CADPS2: variants seen among roughly 807,000 people sequenced by gnomAD.
CADPS2 encodes calcium-dependent secretion activator 2.
A neutral mutation model predicts 172.5 loss-of-function variants in CADPS2; 93 were observed. The ratio of observed to expected loss-of-function variants is 0.54; its 90% CI spans 0.46 to 0.64. CADPS2 has a LOEUF of 0.64. CADPS2 is among the 30% of genes least tolerant of loss of function. The probability of loss-of-function intolerance (pLI) is 0.00; values close to 1 mark genes in which losing one functional copy is unlikely to be tolerated. For missense variants in CADPS2, 1,420 were observed against 1,565.9 expected (o/e 0.91, Z 1.57); for synonymous variants, 546 against 555.2 (o/e 0.98, Z 0.23).
At chr7:122,516,463 A>G (rs971800783) in intron 8 of CADPS2, among the ~76,000 whole-genome samples, 2 of 152,062 alleles carry the variant, frequency 1.3e-5, no homozygotes. Flanking sequence ...CCTTAAGCTT[A>G]GGTTTTGGAG....
At chr7:122,700,291 T>A (rs571026740) in intron 2 of CADPS2, among the ~76,000 whole-genome samples, 2 of 152,176 alleles carry the variant, frequency 1.3e-5, no homozygotes, top group African/African-American at 4.8e-5. Context: ...TTACTTCTTA[T>A]GAAATGTAAA....
chr7:122,371,442 A>G (rs1319408794), intron 25 of CADPS2, among the ~76,000 whole-genome samples: 1 of 152,194 alleles, frequency 6.6e-6, no homozygotes, highest in Non-Finnish European at 1.5e-5. Context: ...GAAATGCCAG[A>G]TGCTTATAAA....
intron 1 of CADPS2, among the ~76,000 whole-genome samples, chr7:122,760,358 A>T (rs563507813): frequency 6.6e-6 from 1 of 152,260 alleles, no homozygotes; most frequent in Non-Finnish European, 1.5e-5. Context: ...TGTTTAGCAG[A>T]TATATATAAT....
At chr7:122,652,540 T>G (rs987395967) in intron 3 of CADPS2, among the ~76,000 whole-genome samples, 16 of 152,176 alleles carry the variant, frequency 1.1e-4, no homozygotes, top group Middle Eastern at 3.2e-3. Flanking sequence ...TATTCCAAAA[T>G]TAAACTTTCC....
chr7:122,778,152 T>C (rs2139300014), intron 1 of CADPS2, among the ~76,000 whole-genome samples: 1 of 152,180 alleles, frequency 6.6e-6, no homozygotes, highest in East Asian at 1.9e-4. Context: ...GCTGAGGTGG[T>C]CTCAGATGGA....
At chr7:122,592,610 T>C (rs543101400) in intron 6 of CADPS2, among the ~76,000 whole-genome samples, 5 of 152,152 alleles carry the variant, frequency 3.3e-5, no homozygotes, top group Admixed American at 1.3e-4. Flanking sequence ...AATGATAGAC[T>C]GGATTAAGAA....
intron 1 of CADPS2, among the ~76,000 whole-genome samples, chr7:122,875,819 CATT>C (rs1294207336): frequency 6.6e-6 from 1 of 152,130 alleles, no homozygotes; most frequent in African/African-American, 2.4e-5. Context: ...CATATATTCT[CATT>C]ATCTTATTAC....
chr7:122,648,380 G>A (rs1480287218), intron 3 of CADPS2, among the ~76,000 whole-genome samples: 1 of 152,024 alleles, frequency 6.6e-6, no homozygotes, highest in Non-Finnish European at 1.5e-5. Flanking sequence ...TAAAATTCCA[G>A]ACTTCTATAA....
intron 15 of CADPS2, among the ~76,000 whole-genome samples, chr7:122,442,736 T>C (rs2051525762): frequency 6.6e-6 from 1 of 152,164 alleles, no homozygotes; most frequent in African/African-American, 2.4e-5. Context: ...AAACTTTCAT[T>C]AGTCTCACAC....
intron 25 of CADPS2, among the ~76,000 whole-genome samples, chr7:122,369,305 T>A (rs1021175911): frequency 6.6e-6 from 1 of 152,002 alleles, no homozygotes; most frequent in Non-Finnish European, 1.5e-5. Context: ...TAATTTTTTG[T>A]ATTTTTTAGT....
rs554731865 is a variant in CADPS2 at position 122,450,717 on chromosome 7, T to C, written c.2288+657A>G. Among the ~76,000 whole-genome samples the C allele has an allele frequency of 3.3e-5, 5 of 151,910 alleles. No individual in the cohort carries two copies. The East Asian group carries it at 9.7e-4, about 30-fold the overall frequency. ...GGCTGGTTAAGTTTTGTATTTTTTA[T>C]AGAGATGGGGTTTCACCATTTTGCC... On this transcript the variant is annotated intron_variant, in intron 15 of 29. Transcript: ENST00000449022.
chr7:122,768,613 T>A (rs987259730), intron 1 of CADPS2, among the ~76,000 whole-genome samples: 1 of 152,146 alleles, frequency 6.6e-6, no homozygotes, highest in African/African-American at 2.4e-5. Context: ...TCAAAATAAA[T>A]GTTTTCAATA....
At chr7:122,870,267 A>G (rs1004004439) in intron 1 of CADPS2, among the ~76,000 whole-genome samples, 1 of 152,042 alleles carries the variant, frequency 6.6e-6, no homozygotes, top group African/African-American at 2.4e-5. Flanking sequence ...AAGAAAAAAG[A>G]TATTCCACAC....
chr7:122,705,591 T>A (rs13308292), intron 2 of CADPS2, among the ~76,000 whole-genome samples: 99,963 of 100,722 alleles, frequency 0.99, 49,609 homozygotes, highest in Non-Finnish European at 1. Context: ...TATTATATAA[T>A]ATATTTTATA....
intron 17 of CADPS2, among the ~76,000 whole-genome samples, chr7:122,429,214 C>G (rs2049568293): frequency 6.6e-6 from 1 of 151,092 alleles, no homozygotes; most frequent in Admixed American, 6.6e-5. Context: ...AGGGATAACT[C>G]ACAAAACCAA....
chr7:122,637,208 T>TTTTTTTTCTCTC, intron 3 of CADPS2, among the ~76,000 whole-genome samples: 1 of 62,694 alleles, frequency 1.6e-5, no homozygotes, highest in East Asian at 6.9e-4. Flanking sequence ...TTTTTTTTTT[T>TTTTTTTTCTCTC]CCTGAGACAG....
intron 3 of CADPS2, among the ~76,000 whole-genome samples, chr7:122,659,862 G>A (rs1253330320): frequency 1.4e-5 from 2 of 146,878 alleles, no homozygotes; most frequent in Non-Finnish European, 3.1e-5. Context: ...TTTTCAGAGC[G>A]CTGAAAGAGA....
rs1386080262 is a variant in CADPS2, at chr7:122,513,335, CCAAAGAATACTT to C, written c.1476-32_1476-21del. On this transcript the variant is annotated intron_variant, in intron 8 of 29. Coordinates refer to ENST00000449022, the MANE Select transcript of CADPS2 (RefSeq NM_017954.11). ...AGATATCTGGAAAGAAAAACAAAAG[CCAAAGAATACTT>C]CAGATGAATAATGTTGTGCTTCCAT... The C allele has an allele frequency of 8.0e-6, 12 of 1,505,608 alleles. No individual in the cohort carries two copies. The highest frequency in any genetic ancestry group is 1.1e-5 in the Non-Finnish European group (12 of 1,105,296). 93.3% of individuals were successfully genotyped at this position (1,505,608 alleles called of 1,614,324 possible).
At chr7:122,521,615 C>T (rs944885886) in intron 8 of CADPS2, among the ~76,000 whole-genome samples, 1 of 151,678 alleles carries the variant, frequency 6.6e-6, no homozygotes, top group East Asian at 1.9e-4. Context: ...TTATGGGAAA[C>T]AGTAAAAGAG....
Sources: gnomAD v4.1 joint callset for allele counts (sites outside exome capture counted in the v4.1 genomes callset) on GRCh38, gnomAD v4.1.1 for gene constraint, MANE v1.5 for transcripts, NCBI Gene and HGNC (gene_info 2026-07-23, HGNC 2026-07-21) for gene names.